The following PLCXD3 variants were observed in gnomAD, a reference collection of about 807,000 sequenced individuals.
PLCXD3 encodes phosphatidylinositol specific phospholipase C X domain containing 3.
Under a neutral mutation model 25.5 loss-of-function variants are expected in PLCXD3, and 19 were observed. That is an observed-to-expected ratio of 0.75 (90% CI 0.52 to 1.09). The LOEUF (loss-of-function observed/expected upper bound fraction) is 1.09, where lower values mean the gene tolerates loss of function less well. Among genes scored for constraint, PLCXD3 ranks in the 50% least tolerant of loss-of-function variants. The pLI, the probability that PLCXD3 is intolerant of heterozygous loss-of-function variation, is 0.00. For synonymous variants in PLCXD3, 174 were observed against 137.6 expected, an observed-to-expected ratio of 1.26 and a Z score of -1.85; for missense variants, 411 against 388.1, an observed-to-expected ratio of 1.06 and a Z score of -0.50.
chr5:41,343,037 T>G (rs1464201817), intron 2 of PLCXD3, among the ~76,000 whole-genome samples: 2 of 152,134 alleles, frequency 1.3e-5, no homozygotes, highest in African/African-American at 2.4e-5. Flanking sequence ...GATTTTCTTT[T>G]CATTAGAAAA....
intron 2 of PLCXD3, among the ~76,000 whole-genome samples, chr5:41,378,256 AC>A (rs980068418): frequency 6.6e-6 from 1 of 152,064 alleles, no homozygotes; most frequent in Non-Finnish European, 1.5e-5. Context: ...ACCAAACCAA[AC>A]CAAAACAAAA....
intron 2 of PLCXD3, among the ~76,000 whole-genome samples, chr5:41,379,151 A>C (rs1745380827): frequency 6.6e-6 from 1 of 152,140 alleles, no homozygotes; most frequent in Non-Finnish European, 1.5e-5. Flanking sequence ...TGTGGAGAGA[A>C]TAGAGGGAGT....
chr5:41,381,730 T>C (rs1745466373), intron 2 of PLCXD3, 96 bp downstream of exon 2: 8 of 1,150,280 alleles, frequency 7.0e-6, no homozygotes, highest in Non-Finnish European at 9.8e-6. Context: ...AGGGACCTAA[T>C]ATACATAGGT....
intron 2 of PLCXD3, among the ~76,000 whole-genome samples, chr5:41,353,338 T>C (rs1483708154): frequency 6.6e-6 from 1 of 151,894 alleles, no homozygotes. Context: ...CCTGACCTCA[T>C]GATCTGCCCG....
intron 1 of PLCXD3, among the ~76,000 whole-genome samples, chr5:41,493,719 G>C (rs1354742948): frequency 1.3e-5 from 2 of 152,178 alleles, no homozygotes; most frequent in Non-Finnish European, 2.9e-5. Context: ...AGACTCCGTG[G>C]GCATTTAGGA....
chr5:41,442,693 T>A (rs1490675081), intron 1 of PLCXD3, among the ~76,000 whole-genome samples: 1 of 152,198 alleles, frequency 6.6e-6, no homozygotes, highest in Admixed American at 6.5e-5. Context: ...GAACAATGTC[T>A]AAGGAAAGTT....
At chr5:41,458,195 G>A (rs1747799198) in intron 1 of PLCXD3, among the ~76,000 whole-genome samples, 1 of 151,910 alleles carries the variant, frequency 6.6e-6, no homozygotes, top group Non-Finnish European at 1.5e-5. Context: ...AAGGTGGTCA[G>A]TGTAATACTT....
intron 1 of PLCXD3, among the ~76,000 whole-genome samples, chr5:41,471,483 G>A (rs1268239768): frequency 6.6e-6 from 1 of 152,182 alleles, no homozygotes; most frequent in African/African-American, 2.4e-5. Context: ...GTCCTAGCCA[G>A]AGGAGAATCG....
intron 1 of PLCXD3, among the ~76,000 whole-genome samples, chr5:41,413,093 A>G (rs1746605177): frequency 6.6e-6 from 1 of 152,258 alleles, no homozygotes. Context: ...TATTACACTT[A>G]CTAGAATTAT....
At chr5:41,354,139 A>T (rs1441263697) in intron 2 of PLCXD3, among the ~76,000 whole-genome samples, 1 of 151,968 alleles carries the variant, frequency 6.6e-6, no homozygotes, top group East Asian at 1.9e-4. Flanking sequence ...TCCTTTATGG[A>T]TTCTAATTAT....
chr5:41,426,628 G>A (rs2150507428), intron 1 of PLCXD3, among the ~76,000 whole-genome samples: 1 of 152,124 alleles, frequency 6.6e-6, no homozygotes, highest in East Asian at 1.9e-4. Context: ...CCACTGCCAT[G>A]TTATTACTGT....
At chr5:41,497,100 C>T (rs980114509) in intron 1 of PLCXD3, among the ~76,000 whole-genome samples, 5 of 150,346 alleles carry the variant, frequency 3.3e-5, no homozygotes, top group African/African-American at 1.2e-4. Flanking sequence ...CAGAGTATTA[C>T]TACAAAAATA....
At chr5:41,432,193 G>T (rs1428423312) in intron 1 of PLCXD3, among the ~76,000 whole-genome samples, 1 of 152,116 alleles carries the variant, frequency 6.6e-6, no homozygotes. Flanking sequence ...ACGACTTAAA[G>T]AAGCCTCCCA....
chr5:41,497,978 A>T (rs1405322508), intron 1 of PLCXD3, among the ~76,000 whole-genome samples: 2 of 151,820 alleles, frequency 1.3e-5, no homozygotes, highest in Non-Finnish European at 3.0e-5. Context: ...AGGGAATTTT[A>T]AAAAATTATC....
At chr5:41,436,644 C>T (rs2150510388) in intron 1 of PLCXD3, among the ~76,000 whole-genome samples, 1 of 152,212 alleles carries the variant, frequency 6.6e-6, no homozygotes, top group East Asian at 1.9e-4. Context: ...TGAAGTCTTT[C>T]AATGCAACAA....
intron 1 of PLCXD3, among the ~76,000 whole-genome samples, chr5:41,444,148 C>T (rs1747446108): frequency 6.6e-6 from 1 of 152,098 alleles, no homozygotes; most frequent in South Asian, 2.1e-4. Flanking sequence ...ATATTTCTCA[C>T]AGAATAGTCA....
intron 1 of PLCXD3, among the ~76,000 whole-genome samples, chr5:41,397,406 G>T (rs1746041139): frequency 6.6e-6 from 1 of 152,212 alleles, no homozygotes; most frequent in South Asian, 2.1e-4. Flanking sequence ...GCCTTCAGGT[G>T]CACAGGAGGC....
intron 2 of PLCXD3, among the ~76,000 whole-genome samples, chr5:41,330,500 C>T (rs377089483): frequency 4.6e-5 from 7 of 152,152 alleles, no homozygotes; most frequent in East Asian, 3.9e-4. Context: ...GATTCACAGC[C>T]GAATTCTACC....
chr5:41,333,696 A>G (rs1368376420), intron 2 of PLCXD3, among the ~76,000 whole-genome samples: 1 of 150,032 alleles, frequency 6.7e-6, no homozygotes, highest in African/African-American at 2.4e-5. Context: ...CTGAAAAACA[A>G]TACTCTAGCA....
Sources: allele counts gnomAD v4.1 joint callset (sites outside exome capture counted in the v4.1 genomes callset), GRCh38; gene constraint gnomAD v4.1.1; transcripts MANE v1.5; gene names NCBI Gene and HGNC (gene_info 2026-07-23, HGNC 2026-07-21).